Variants in LOXHD1 observed in about 807,000 individuals in gnomAD.
LOXHD1 encodes the protein lipoxygenase homology PLAT domains 1, also known as lipoxygenase homology domain-containing protein 1.
LOXHD1 carries 205 observed loss-of-function variants against 248.2 expected under a neutral mutation model. The ratio of observed to expected loss-of-function variants is 0.83; its 90% CI spans 0.74 to 0.93. The LOEUF is 0.93. LOXHD1 is among the 40% of genes least tolerant of loss of function. LOXHD1 has a pLI of 0.00. For missense variants in LOXHD1, 2,930 were observed against 2,971.6 expected, an observed-to-expected ratio of 0.99 and a Z score of 0.33; for synonymous variants, 1,113 against 1,162.8, an observed-to-expected ratio of 0.96 and a Z score of 0.87.
At chr18:46,609,961 CTTCTTGA>C (rs547448167) in intron 6 of LOXHD1, among the ~76,000 whole-genome samples, 353 of 152,324 alleles carry the variant, frequency 2.3e-3, no homozygotes, top group African/African-American at 8.3e-3. Flanking sequence ...TTTTTGCTTT[CTTCTTGA>C]TTCTTAACTT....
At position 46,639,728 on chromosome 18, in the gene LOXHD1, C is replaced by T. The variant is rs2144376458; in HGVS notation, c.399G>A (p.Arg133=). The change falls in exon 4 of 41, where the codon AGG becomes AGA. Residue 133 remains arginine (R), a synonymous_variant. Coordinates refer to ENST00000642948, the MANE Select transcript of LOXHD1 (RefSeq NM_001384474.1). ...LDHVIVTDMK[R]PHLRYYFNCN... ...AGTTGAAGTAGTAACGGAGATGAGG[C>T]CTCTTCATGTCGGTCACAATCACAT... 3 of 1,551,730 alleles carry T rather than the reference C, an allele frequency of 1.9e-6. No homozygotes were observed. The highest frequency in any genetic ancestry group is 1.7e-4 in the Middle Eastern group (1 of 5,992).
chr18:46,499,668 T>G (rs1244204003), intron 37 of LOXHD1, among the ~76,000 whole-genome samples: 6 of 146,832 alleles, frequency 4.1e-5, no homozygotes, highest in Non-Finnish European at 7.7e-5. Flanking sequence ...TGGTGTGTGT[T>G]TGTGTGTGTG....
chr18:46,580,132 A>T (rs1417497601), intron 12 of LOXHD1, among the ~76,000 whole-genome samples: 1 of 152,138 alleles, frequency 6.6e-6, no homozygotes, highest in African/African-American at 2.4e-5. Flanking sequence ...AGGTTTCTCA[A>T]CTCTGAATTT....
chr18:46,542,124 T>C (rs2036586185), intron 24 of LOXHD1, among the ~76,000 whole-genome samples, 184 bp from the exon 25 acceptor site: 1 of 152,154 alleles, frequency 6.6e-6, no homozygotes, highest in African/African-American at 2.4e-5. Flanking sequence ...ATGTTGAAGC[T>C]GGATCACACT....
At position 46,533,209 on chromosome 18, in the gene LOXHD1, T is replaced by C. The variant is rs1396032852; in HGVS notation, c.4328A>G (p.Asp1443Gly). The C allele has an allele frequency of 1.3e-6, 2 of 1,551,654 alleles. No individual in the cohort carries two copies. Among genetic ancestry groups the C allele is most frequent in the Non-Finnish European group, 8.7e-7 (1 of 1,147,020 alleles). ...YDIFTEKYMK[D>G]GSLRQVYKEV... ...CTTGTAGACTTGCCGTAAGGACCCATCTTTCATGTATTTCTCAGTGAAGAT... is the reference window on the plus strand; with the variant it reads ...CTTGTAGACTTGCCGTAAGGACCCACCTTTCATGTATTTCTCAGTGAAGAT... The change falls in exon 28 of 41, where the codon GAT becomes GGT. Residue 1443 changes from aspartate to glycine, a missense_variant. Physicochemically the swap from Asp to Gly is moderately conservative, Grantham distance 94. Coordinates refer to ENST00000642948, the MANE Select transcript of LOXHD1 (RefSeq NM_001384474.1).
intron 18 of LOXHD1, among the ~76,000 whole-genome samples, chr18:46,561,411 CTGAGGAAGGACCCACATT>C (rs1273618040): frequency 6.6e-6 from 1 of 152,218 alleles, no homozygotes; most frequent in Non-Finnish European, 1.5e-5. Context: ...GCCCCAGGCT[CTGAGGAAGGACCCACATT>C]AAGGTAGGGT....
intron 29 of LOXHD1, 34 bp downstream of exon 29, chr18:46,529,142 AG>A: frequency 6.5e-7 from 1 of 1,550,240 alleles, no homozygotes; most frequent in Non-Finnish European, 8.7e-7. Context: ...CCTGGAGAGG[AG>A]GGAAGGAGGG....
chr18:46,621,649 T>C (rs571754160), intron 4 of LOXHD1, among the ~76,000 whole-genome samples: 6 of 152,168 alleles, frequency 3.9e-5, no homozygotes, highest in African/African-American at 1.4e-4. Flanking sequence ...TTGGATCTCG[T>C]AATCTGTGAG....
intron 16 of LOXHD1, among the ~76,000 whole-genome samples, chr18:46,568,138 A>G (rs1422784277): frequency 2.0e-5 from 3 of 152,206 alleles, no homozygotes; most frequent in Non-Finnish European, 4.4e-5. Flanking sequence ...ATGGGAGAAG[A>G]GATTCCTAGG....
At position 46,520,457 on chromosome 18, in the gene LOXHD1, G is replaced by A. The variant is rs1330026340; in HGVS notation, c.5271+640C>T. Reference sequence around the variant, plus strand: ...GAGGCTTCTGGGCCACCAAATGGCTGTGTGTCCTCAGATCCTAGCACCAGG... The same window carrying A: ...GAGGCTTCTGGGCCACCAAATGGCTATGTGTCCTCAGATCCTAGCACCAGG... On this transcript the variant is annotated intron_variant, in intron 33 of 40. Transcript: ENST00000642948. The A allele has an allele frequency of 8.0e-6, 3 of 374,046 alleles. No individual in the cohort carries two copies. In the Admixed American group the frequency reaches 1.1e-4, roughly 14 times the overall value. 23.2% of individuals were successfully genotyped at this position (374,046 alleles called of 1,614,324 possible). A position where few individuals can be genotyped will look rare whatever the true frequency, so the allele number is the denominator to read the frequency against.
At chr18:46,558,550 G>T (rs1324823027) in intron 20 of LOXHD1, among the ~76,000 whole-genome samples, 1 of 152,170 alleles carries the variant, frequency 6.6e-6, no homozygotes, top group Non-Finnish European at 1.5e-5. Context: ...TCAAGGGGAA[G>T]ATTCTTTAAA....
chr18:46,608,023 C>T (rs536344523), intron 6 of LOXHD1, among the ~76,000 whole-genome samples: 2 of 42,894 alleles, frequency 4.7e-5, no homozygotes, highest in South Asian at 7.6e-4. Context: ...AAAACAAACA[C>T]GGAAGGAAGG....
chr18:46,522,750 G>A (rs1233618422), intron 31 of LOXHD1, among the ~76,000 whole-genome samples: 2 of 152,170 alleles, frequency 1.3e-5, no homozygotes, highest in South Asian at 2.1e-4. Context: ...ACATAAAAAT[G>A]TATCATATAT....
chr18:46,583,931 T>C (rs2038011112), intron 12 of LOXHD1, among the ~76,000 whole-genome samples: 1 of 152,080 alleles, frequency 6.6e-6, no homozygotes, highest in Non-Finnish European at 1.5e-5. Flanking sequence ...ATAGCCAAGA[T>C]ATAGAATCAA....
Position 46,521,029 on chromosome 18 carries a change from C to A in LOXHD1, c.5271+68G>T, listed in dbSNP as rs572401426. On this transcript the variant is annotated intron_variant, in intron 33 of 40. Coordinates refer to ENST00000642948, the MANE Select transcript of LOXHD1 (RefSeq NM_001384474.1). ...TCCTACTTCTTCCACTTCTGTCTCC[C>A]CTGCTGCTCCCCACCTCAACCTGCA... 3.3e-6 allele frequency: 5 copies of A among 1,504,852 alleles called. No individual in the cohort carries two copies. The African/African-American group carries it at 6.9e-5, about 21-fold the overall frequency. The allele number at this position is 1,504,852 out of a possible 1,614,324, so 93.2% of individuals were successfully genotyped here. A position where few individuals can be genotyped will look rare whatever the true frequency, so the allele number is the denominator to read the frequency against.
At chr18:46,572,873 A>G (rs927332395) in intron 14 of LOXHD1, among the ~76,000 whole-genome samples, 7 of 151,842 alleles carry the variant, frequency 4.6e-5, no homozygotes, top group African/African-American at 1.7e-4. Context: ...AAACAAAAAA[A>G]TTAGCCAGGT....
intron 21 of LOXHD1, among the ~76,000 whole-genome samples, chr18:46,556,026 T>C (rs765286512): frequency 6.0e-5 from 9 of 151,224 alleles, no homozygotes; most frequent in Non-Finnish European, 8.9e-5. Context: ...GGAGGAAAAA[T>C]CTAAGGAAGG....
intron 23 of LOXHD1, 97 bp from the exon 24 acceptor site, chr18:46,542,952 T>G (rs550410359): frequency 6.7e-7 from 1 of 1,492,168 alleles, no homozygotes; most frequent in East Asian, 2.5e-5. Context: ...ATGACCAAAT[T>G]TCTGAACTTC....
intron 14 of LOXHD1, among the ~76,000 whole-genome samples, chr18:46,577,487 C>T (rs1207814991): frequency 6.6e-6 from 1 of 151,994 alleles, no homozygotes; most frequent in African/African-American, 2.4e-5. Context: ...AGCAGCACAC[C>T]GGAACACACC....
Sources: gnomAD v4.1 joint callset for allele counts (sites outside exome capture counted in the v4.1 genomes callset) on GRCh38, gnomAD v4.1.1 for gene constraint, MANE v1.5 for transcripts, NCBI Gene and HGNC (gene_info 2026-07-23, HGNC 2026-07-21) for gene names.